Variants in GALNTL6 observed in about 807,000 individuals in gnomAD.
GALNTL6 encodes the protein polypeptide N-acetylgalactosaminyltransferase-like 6.
In GALNTL6, 46 loss-of-function variants were observed where a neutral mutation model predicts 73.7. The observed-to-expected ratio is 0.62, with a 90% CI of 0.49 to 0.80. GALNTL6 has a LOEUF of 0.80. Ranked by LOEUF, GALNTL6 falls within the 30% of genes least tolerant of loss-of-function variation. The pLI is 0.00. For missense variants in GALNTL6, 604 were observed against 755.0 expected (o/e 0.80, Z 2.34); for synonymous variants, 259 against 263.7 (o/e 0.98, Z 0.17).
chr4:171,932,490 G>A (rs1409967110), intron 2 of GALNTL6, among the ~76,000 whole-genome samples: 3 of 152,198 alleles, frequency 2.0e-5, no homozygotes, highest in African/African-American at 7.2e-5. Context: ...ACCTCTCTGA[G>A]ACTGAAGCCA....
intron 3 of GALNTL6, among the ~76,000 whole-genome samples, chr4:172,278,038 C>G (rs1579325749): frequency 6.6e-6 from 1 of 152,094 alleles, no homozygotes; most frequent in South Asian, 2.1e-4. Context: ...TGCAATTTCT[C>G]TCTATATTTT....
chr4:172,130,522 T>A (rs1372053403), intron 2 of GALNTL6, among the ~76,000 whole-genome samples: 1 of 152,012 alleles, frequency 6.6e-6, no homozygotes, highest in African/African-American at 2.4e-5. Flanking sequence ...TTGTTTCTAA[T>A]TGTAAAATAT....
chr4:172,377,079 A>G (rs946332794), intron 5 of GALNTL6, among the ~76,000 whole-genome samples: 6 of 152,164 alleles, frequency 3.9e-5, no homozygotes, highest in African/African-American at 1.2e-4. Flanking sequence ...GTGGGTTGCC[A>G]CTGCTGGCTC....
chr4:172,065,800 G>T (rs910289345), intron 2 of GALNTL6, among the ~76,000 whole-genome samples: 2 of 152,146 alleles, frequency 1.3e-5, no homozygotes, highest in Non-Finnish European at 2.9e-5. Context: ...ACGGCAGAAG[G>T]CACCTTTCAC....
intron 2 of GALNTL6, among the ~76,000 whole-genome samples, chr4:172,227,675 G>C (rs758880374): frequency 1.6e-4 from 24 of 152,184 alleles, no homozygotes; most frequent in Non-Finnish European, 3.2e-4. Flanking sequence ...CTTTATGTGA[G>C]TTCTAGTATC....
chr4:172,672,253 T>G (rs1732029599), intron 5 of GALNTL6, among the ~76,000 whole-genome samples: 1 of 152,218 alleles, frequency 6.6e-6, no homozygotes, highest in Admixed American at 6.5e-5. Context: ...GAATTTCTCC[T>G]TCGATTGAGA....
intron 2 of GALNTL6, among the ~76,000 whole-genome samples, chr4:172,005,631 C>T (rs1740820862): frequency 6.6e-6 from 1 of 152,048 alleles, no homozygotes; most frequent in Non-Finnish European, 1.5e-5. Context: ...TATTTACACA[C>T]ACCTATACCT....
chr4:172,691,999 G>C (rs1432829481), intron 5 of GALNTL6, among the ~76,000 whole-genome samples: 1 of 151,478 alleles, frequency 6.6e-6, no homozygotes, highest in African/African-American at 2.4e-5. Flanking sequence ...ATTGAGAGTT[G>C]TATTCAGACA....
intron 2 of GALNTL6, among the ~76,000 whole-genome samples, chr4:172,008,240 T>A (rs895454095): frequency 4.6e-5 from 7 of 152,288 alleles, no homozygotes; most frequent in Middle Eastern, 3.4e-3. Flanking sequence ...AAAATGTAAA[T>A]TGAAGCATAA....
At chr4:172,852,600 G>C (rs1394911114) in intron 7 of GALNTL6, among the ~76,000 whole-genome samples, 2 of 152,068 alleles carry the variant, frequency 1.3e-5, no homozygotes, top group African/African-American at 4.8e-5. Flanking sequence ...GTTTATTCGG[G>C]GTAAGGGAGA....
chr4:172,353,706 GA>G (rs1049310709), intron 5 of GALNTL6, among the ~76,000 whole-genome samples: 20 of 150,018 alleles, frequency 1.3e-4, no homozygotes, highest in Non-Finnish European at 1.5e-4. Context: ...AGTTCACAAG[GA>G]AAAAATATTA....
chr4:172,349,355 T>G (rs543500258), intron 5 of GALNTL6, among the ~76,000 whole-genome samples: 1 of 152,252 alleles, frequency 6.6e-6, no homozygotes, highest in African/African-American at 2.4e-5. Context: ...ACCTTATATT[T>G]TATTGCACGA....
chr4:172,947,054 A>C (rs1000139629), intron 9 of GALNTL6, among the ~76,000 whole-genome samples: 1 of 152,124 alleles, frequency 6.6e-6, no homozygotes, highest in African/African-American at 2.4e-5. Flanking sequence ...AGAAGGAGGA[A>C]ATTTTAGCCA....
At chr4:172,621,122 G>A (rs1738935041) in intron 5 of GALNTL6, among the ~76,000 whole-genome samples, 1 of 152,146 alleles carries the variant, frequency 6.6e-6, no homozygotes, top group Admixed American at 6.5e-5. Flanking sequence ...AAGAAGACTT[G>A]GGATAGGAGA....
chr4:172,614,703 G>A (rs774241022), intron 5 of GALNTL6, among the ~76,000 whole-genome samples: 5 of 152,098 alleles, frequency 3.3e-5, no homozygotes, highest in African/African-American at 7.2e-5. Context: ...AATCCTTATC[G>A]TTGTAACAGC....
intron 5 of GALNTL6, among the ~76,000 whole-genome samples, chr4:172,568,280 T>C (rs1381770739): frequency 2.0e-5 from 3 of 152,152 alleles, no homozygotes. Context: ...GAATGCTTTC[T>C]GGAATAGAAC....
In GALNTL6 at chr4:172,348,409, T is replaced by G. The variant is rs1741827402; in HGVS notation, c.387-114T>G. ...TGCTGTACAAACTCTGGTTGGAAAGTATTAGACTAAGTCGTGTTTCCACAG... is the reference window on the plus strand; with the variant it reads ...TGCTGTACAAACTCTGGTTGGAAAGGATTAGACTAAGTCGTGTTTCCACAG... On this transcript the variant is annotated intron_variant, in intron 4 of 12. Transcript: ENST00000506823. 3.0e-5 allele frequency: 24 copies of G among 787,052 alleles called. 1 individual carries two copies. In the South Asian group the frequency reaches 4.4e-4, roughly 14 times the overall value. 48.8% of individuals were successfully genotyped at this position (787,052 alleles called of 1,614,324 possible).
intron 5 of GALNTL6, among the ~76,000 whole-genome samples, chr4:172,519,066 C>T (rs187744823): frequency 1.5e-3 from 225 of 150,374 alleles, no homozygotes; most frequent in Non-Finnish European, 2.0e-3. Context: ...TTTTATTGTT[C>T]GAAGAATGTA....
intron 5 of GALNTL6, among the ~76,000 whole-genome samples, chr4:172,404,199 T>C (rs1352989229): frequency 2.0e-5 from 3 of 151,930 alleles, no homozygotes; most frequent in African/African-American, 7.2e-5. Flanking sequence ...TATAGTTAAC[T>C]GAATGTCTTG....
Sources: allele counts gnomAD v4.1 joint callset (sites outside exome capture counted in the v4.1 genomes callset), GRCh38; gene constraint gnomAD v4.1.1; transcripts MANE v1.5; gene names NCBI Gene and HGNC (gene_info 2026-07-23, HGNC 2026-07-21).